TECRL: variants seen among roughly 807,000 people sequenced by gnomAD.
The protein encoded by TECRL is trans-2,3-enoyl-CoA reductase like.
TECRL carries 63 observed loss-of-function variants against 52.8 expected under a neutral mutation model. That is an observed-to-expected ratio of 1.19 (90% CI 0.97 to 1.47). The LOEUF (loss-of-function observed/expected upper bound fraction) is 1.47. Among genes scored for constraint, TECRL ranks in the 40% most tolerant of loss-of-function variants. The probability of loss-of-function intolerance (pLI) is 0.00; values close to 1 mark genes in which losing one functional copy is unlikely to be tolerated. For synonymous variants in TECRL, 164 were observed against 141.9 expected, an observed-to-expected ratio of 1.16 and a Z score of -1.10; for missense variants, 482 against 429.6, an observed-to-expected ratio of 1.12 and a Z score of -1.08.
intron 2 of TECRL, among the ~76,000 whole-genome samples, chr4:64,341,663 G>A (rs914683726): frequency 6.6e-6 from 1 of 152,116 alleles, no homozygotes; most frequent in African/African-American, 2.4e-5. Context: ...TGAAGAGAAG[G>A]AGAGAAAAGC....
intron 1 of TECRL, among the ~76,000 whole-genome samples, chr4:64,384,497 T>C (rs1391756214): frequency 1.3e-5 from 2 of 152,076 alleles, no homozygotes; most frequent in African/African-American, 4.8e-5. Context: ...TGGTGACAGA[T>C]GGAACAAGTG....
intron 2 of TECRL, among the ~76,000 whole-genome samples, chr4:64,330,350 ATACT>A (rs1718554689): frequency 6.6e-6 from 1 of 152,108 alleles, no homozygotes. Flanking sequence ...CCTCTTAAGG[ATACT>A]TAATGATTGA....
intron 2 of TECRL, among the ~76,000 whole-genome samples, chr4:64,364,128 G>A (rs1586134): frequency 0.9 from 136,660 of 151,994 alleles, 62,088 homozygotes; most frequent in East Asian, 1. Flanking sequence ...ATATATCTAC[G>A]TAGAAATTAA....
chr4:64,407,392 G>T lies in TECRL; in HGVS notation c.234+1726C>A, dbSNP rs186877047. ...ATTTTTTTCACAATTTAATTAACAC[G>T]TAAAAATATAAAAATCCCTGTCTTA... On this transcript the variant is annotated intron_variant, in intron 1 of 11. Coordinates refer to ENST00000381210, the MANE Select transcript of TECRL (RefSeq NM_001010874.5). Among the ~76,000 whole-genome samples the T allele has an allele frequency of 1.5e-3, 228 of 151,528 alleles. 1 individual carries two copies. Among genetic ancestry groups the T allele is most frequent in the African/African-American group, 5.2e-3 (214 of 41,300 alleles).
chr4:64,314,593 GTGTGTGTGTGTGTGTGTGTGTGT>G (rs1717341048), intron 5 of TECRL, 32 bp downstream of exon 5: 1 of 255,028 alleles, frequency 3.9e-6, no homozygotes, highest in East Asian at 5.6e-5. Context: ...CGTGTATGGT[GTGTGTGTGTGTGTGTGTGTGTGT>G]GTGTGTGTGT....
intron 1 of TECRL, among the ~76,000 whole-genome samples, chr4:64,391,062 T>C (rs1214075110): frequency 6.6e-6 from 1 of 151,814 alleles, no homozygotes; most frequent in Non-Finnish European, 1.5e-5. Context: ...GCATTACTTT[T>C]TAAATTTAAC....
intron 2 of TECRL, among the ~76,000 whole-genome samples, chr4:64,369,276 G>T (rs1362225618): frequency 6.6e-6 from 1 of 151,974 alleles, no homozygotes; most frequent in African/African-American, 2.4e-5. Flanking sequence ...TATTTCGTTA[G>T]CAATTTTAAG....
intron 1 of TECRL, among the ~76,000 whole-genome samples, chr4:64,385,885 G>A (rs1460646570): frequency 6.6e-6 from 1 of 152,112 alleles, no homozygotes; most frequent in African/African-American, 2.4e-5. Context: ...GGAAACTCTT[G>A]CTTACCTTTT....
At chr4:64,317,620 G>A (rs1266686265) in intron 4 of TECRL, among the ~76,000 whole-genome samples, 3 of 152,164 alleles carry the variant, frequency 2.0e-5, no homozygotes, top group African/African-American at 7.2e-5. Context: ...TGTACTTAAT[G>A]AATACTGTTG....
intron 2 of TECRL, among the ~76,000 whole-genome samples, chr4:64,367,570 A>AAT (rs1426069722): frequency 6.6e-6 from 1 of 152,130 alleles, no homozygotes; most frequent in African/African-American, 2.4e-5. Context: ...AATGACATTA[A>AAT]ATATACAGCG....
At chr4:64,336,761 A>T (rs2110063698) in intron 2 of TECRL, among the ~76,000 whole-genome samples, 2 of 152,252 alleles carry the variant, frequency 1.3e-5, no homozygotes, top group East Asian at 3.9e-4. Context: ...TCATTTTGTT[A>T]TGTACCCAGT....
chr4:64,355,352 G>C (rs1332519799), intron 2 of TECRL, among the ~76,000 whole-genome samples: 1 of 151,994 alleles, frequency 6.6e-6, no homozygotes, highest in African/African-American at 2.4e-5. Context: ...TCAACATGAA[G>C]ATGTTGCTAT....
rs749103018 is a variant in TECRL, at chr4:64,409,132, A to G, written c.220T>C (p.Cys74Arg). ...AATAAACTCACCTTATCCAGAATAC[A>G]TATCTGTTTCCTTGTTTGAGCATCA... ...IFDAQTRKQI[C>R]ILDKVTQSST... is the part of the protein sequence containing the mutation. The change falls in exon 1 of 12, where the codon TGT (cysteine) becomes CGT (arginine). Residue 74 changes from cysteine to arginine, a missense_variant. Cys to Arg is a radical substitution (Grantham distance 180). Coordinates refer to ENST00000381210, the MANE Select transcript of TECRL (RefSeq NM_001010874.5). 3 of 1,609,828 alleles carry G rather than the reference A, an allele frequency of 1.9e-6. No individual in the cohort carries two copies. Among genetic ancestry groups the G allele is most frequent in the East Asian group, 2.2e-5 (1 of 44,690 alleles).
At chr4:64,377,281 A>G (rs73230495) in intron 1 of TECRL, among the ~76,000 whole-genome samples, 207 of 152,140 alleles carry the variant, frequency 1.4e-3, no homozygotes, top group African/African-American at 4.9e-3. Flanking sequence ...ACATATATTC[A>G]ATTAGCCACA....
intron 2 of TECRL, among the ~76,000 whole-genome samples, chr4:64,353,143 A>G (rs10003651): frequency 0.66 from 100,913 of 152,126 alleles, 34,844 homozygotes; most frequent in Non-Finnish European, 0.76. Flanking sequence ...TCTTTAGTAA[A>G]TTACAGTTTA....
intron 1 of TECRL, among the ~76,000 whole-genome samples, chr4:64,396,836 C>T (rs1415923783): frequency 6.6e-6 from 1 of 151,960 alleles, no homozygotes; most frequent in African/African-American, 2.4e-5. Context: ...TTGTATATGG[C>T]GACAGGAAGG....
intron 4 of TECRL, among the ~76,000 whole-genome samples, chr4:64,320,055 G>A (rs2110024564): frequency 1.3e-5 from 2 of 151,974 alleles, no homozygotes; most frequent in Admixed American, 1.3e-4. Flanking sequence ...GGGATAAATT[G>A]TATAGAATTA....
Position 64,356,860 on chromosome 4 carries a change from G to A in TECRL, c.286+18312C>T, listed in dbSNP as rs4241649. Among the ~76,000 whole-genome samples the A allele has an allele frequency of 1.3e-5, 2 of 152,088 alleles. 1 individual carries two copies. The highest frequency in any genetic ancestry group is 2.9e-5 in the Non-Finnish European group (2 of 68,036). On this transcript the variant is annotated intron_variant, in intron 2 of 11. Transcript: ENST00000381210. ...TTACCCACAGGTGTGGAGGGGCTGGGCTCCTTCAACAATGAGTGTTCATTA... is the reference window on the plus strand; with the variant it reads ...TTACCCACAGGTGTGGAGGGGCTGGACTCCTTCAACAATGAGTGTTCATTA...
intron 1 of TECRL, among the ~76,000 whole-genome samples, chr4:64,375,516 T>C (rs1253091887): frequency 2.0e-5 from 3 of 151,970 alleles, no homozygotes; most frequent in Non-Finnish European, 4.4e-5. Flanking sequence ...AAATAGTCAA[T>C]GTATTTTTCC....
Sources: allele counts gnomAD v4.1 joint callset (sites outside exome capture counted in the v4.1 genomes callset), GRCh38; gene constraint gnomAD v4.1.1; transcripts MANE v1.5; gene names NCBI Gene and HGNC (gene_info 2026-07-23, HGNC 2026-07-21).